The following DTNA variants were observed in gnomAD, a reference collection of about 807,000 sequenced individuals.
DTNA encodes dystrobrevin alpha, also known as dystrophin-related protein 3.
Under a neutral mutation model 100.7 loss-of-function variants are expected in DTNA, and 43 were observed. The observed-to-expected ratio is 0.43, with a 90% CI of 0.33 to 0.55. DTNA has a LOEUF of 0.55. Among genes scored for constraint, DTNA ranks in the 20% least tolerant of loss-of-function variants. DTNA has a pLI of 0.04. For missense variants in DTNA, 798 were observed against 953.9 expected, an observed-to-expected ratio of 0.84 and a Z score of 2.15; for synonymous variants, 349 against 347.9, an observed-to-expected ratio of 1.00 and a Z score of -0.04.
chr18:34,826,023 G>A lies in DTNA; in HGVS notation c.1002-1570G>A, dbSNP rs562641487. On this transcript the variant is annotated intron_variant, in intron 9 of 22. Transcript: ENST00000444659. ...AGAATTAGTTTTAAACTAGCCTTGC[G>A]TTGCTCCCTTATATATCAAAGATAT... 8.9e-4 allele frequency among the ~76,000 whole-genome samples: 135 copies of A among 152,172 alleles called. No individual in the cohort carries two copies. In the South Asian group the frequency reaches 0.018, roughly 20 times the overall value.
At chr18:34,630,323 AC>A (rs2057912163) in intron 1 of DTNA, among the ~76,000 whole-genome samples, 2 of 152,116 alleles carry the variant, frequency 1.3e-5, no homozygotes, top group South Asian at 4.1e-4. Context: ...ATATTGAATA[AC>A]CCAATTCTCC....
chr18:34,786,491 G>C (rs1362194537), intron 3 of DTNA, among the ~76,000 whole-genome samples: 2 of 152,068 alleles, frequency 1.3e-5, no homozygotes, highest in Non-Finnish European at 2.9e-5. Flanking sequence ...TGTTGCTATG[G>C]GGATTCCTGC....
intron 6 of DTNA, 113 bp downstream of exon 6, chr18:34,812,226 C>G: frequency 6.8e-7 from 1 of 1,464,164 alleles, no homozygotes; most frequent in Non-Finnish European, 9.4e-7. Context: ...TGATAGCAAC[C>G]TGTATTGTAT....
chr18:34,532,798 T>C (rs1032632910), intron 1 of DTNA, among the ~76,000 whole-genome samples: 4 of 151,314 alleles, frequency 2.6e-5, no homozygotes, highest in African/African-American at 9.7e-5. Context: ...ATAGAACGAA[T>C]AGATTTTAAA....
At chr18:34,805,548 C>G (rs1207353988) in intron 4 of DTNA, among the ~76,000 whole-genome samples, 2 of 152,144 alleles carry the variant, frequency 1.3e-5, no homozygotes, top group African/African-American at 2.4e-5. Context: ...TGGTCTCAAA[C>G]TCCTGACCTC....
intron 1 of DTNA, among the ~76,000 whole-genome samples, chr18:34,535,114 G>A (rs1226517946): frequency 6.6e-6 from 1 of 152,130 alleles, no homozygotes; most frequent in Admixed American, 6.5e-5. Flanking sequence ...CACCAACAGT[G>A]TAAAAGCGTT....
At chr18:34,552,388 T>A (rs116787203) in intron 1 of DTNA, among the ~76,000 whole-genome samples, 2,290 of 152,058 alleles carry the variant, frequency 0.015, 55 homozygotes, top group African/African-American at 0.049. Context: ...ATTTTTTTTT[T>A]AAATTATACT....
intron 1 of DTNA, among the ~76,000 whole-genome samples, chr18:34,537,018 G>A (rs758274948): frequency 2.0e-5 from 3 of 151,826 alleles, no homozygotes; most frequent in African/African-American, 7.2e-5. Context: ...AAAAATTCAG[G>A]GACAATAAAA....
chr18:34,657,011 G>A (rs1162982552), intron 1 of DTNA, among the ~76,000 whole-genome samples: 1 of 151,846 alleles, frequency 6.6e-6, no homozygotes, highest in African/African-American at 2.4e-5. Context: ...CGAGTACCTG[G>A]GACTACAGGT....
At chr18:34,605,684 A>G (rs1471097429) in intron 1 of DTNA, among the ~76,000 whole-genome samples, 1 of 151,354 alleles carries the variant, frequency 6.6e-6, no homozygotes. Flanking sequence ...GTGCTTTTAC[A>G]AGTCTAGGAA....
intron 1 of DTNA, among the ~76,000 whole-genome samples, chr18:34,526,527 A>G (rs1012399): frequency 0.017 from 2,549 of 152,186 alleles, 59 homozygotes; most frequent in African/African-American, 0.049. Flanking sequence ...TTCCTAGCAC[A>G]TATTACACTA....
chr18:34,762,658 C>T (rs983603037), intron 2 of DTNA, among the ~76,000 whole-genome samples: 1 of 152,152 alleles, frequency 6.6e-6, no homozygotes, highest in Non-Finnish European at 1.5e-5. Flanking sequence ...TTCTTCTGGT[C>T]CCTTTCTGGA....
At chr18:34,540,724 G>T (rs1241651408) in intron 1 of DTNA, among the ~76,000 whole-genome samples, 1 of 152,048 alleles carries the variant, frequency 6.6e-6, no homozygotes, top group Non-Finnish European at 1.5e-5. Context: ...GGAAAATCTA[G>T]ATTATTTAGG....
chr18:34,504,579 T>G (rs1002007200), intron 1 of DTNA, among the ~76,000 whole-genome samples: 12 of 152,336 alleles, frequency 7.9e-5, no homozygotes, highest in Middle Eastern at 3.4e-3. Context: ...TGATTTTTTC[T>G]TTCTTCCTGA....
intron 1 of DTNA, among the ~76,000 whole-genome samples, chr18:34,670,631 C>T (rs988196097): frequency 2.0e-5 from 3 of 152,192 alleles, no homozygotes; most frequent in Admixed American, 6.5e-5. Flanking sequence ...TGTTAGTTAT[C>T]GTTTTAACAG....
intron 3 of DTNA, among the ~76,000 whole-genome samples, chr18:34,784,788 G>A (rs2094451523): frequency 6.6e-6 from 1 of 152,014 alleles, no homozygotes; most frequent in Non-Finnish European, 1.5e-5. Flanking sequence ...ATGCTGGTTG[G>A]ATTTAATTTC....
chr18:34,717,171 A>G (rs1339375132), intron 1 of DTNA, among the ~76,000 whole-genome samples: 2 of 152,204 alleles, frequency 1.3e-5, no homozygotes, highest in African/African-American at 4.8e-5. Context: ...CAATATAGTA[A>G]CTACTAGCCA....
At chr18:34,646,048 G>C (rs1290026386) in intron 1 of DTNA, among the ~76,000 whole-genome samples, 1 of 152,014 alleles carries the variant, frequency 6.6e-6, no homozygotes, top group Non-Finnish European at 1.5e-5. Context: ...CTCTTAGCTG[G>C]TATTCTTTTT....
At chr18:34,526,605 A>G (rs1298046665) in intron 1 of DTNA, among the ~76,000 whole-genome samples, 1 of 152,128 alleles carries the variant, frequency 6.6e-6, no homozygotes, top group Non-Finnish European at 1.5e-5. Context: ...ATACTTACAT[A>G]ATCAAATAAA....
Sources: allele counts gnomAD v4.1 joint callset (sites outside exome capture counted in the v4.1 genomes callset), GRCh38; gene constraint gnomAD v4.1.1; transcripts MANE v1.5; gene names NCBI Gene and HGNC (gene_info 2026-07-23, HGNC 2026-07-21).